Variants in UQCRC1 observed in about 807,000 individuals in gnomAD.
The protein encoded by UQCRC1 is ubiquinol-cytochrome c reductase core protein 1.
In UQCRC1, 34 loss-of-function variants were observed where a neutral mutation model predicts 58.0. The observed-to-expected ratio is 0.59, with a 90% CI of 0.45 to 0.78. UQCRC1 has a LOEUF of 0.78. UQCRC1 is among the 30% of genes least tolerant of loss of function. UQCRC1 has a pLI of 0.00. For missense variants in UQCRC1, 610 were observed against 646.0 expected (o/e 0.94, Z 0.60); for synonymous variants, 276 against 248.8 (o/e 1.11, Z -1.03).
intron 3 of UQCRC1, 150 bp downstream of exon 3, chr3:48,605,620 G>C (rs1303174550): frequency 1.3e-6 from 1 of 754,644 alleles, no homozygotes. Context: ...CTCAGGAGAG[G>C]TTAAGCTCAT....
At chr3:48,604,869 T>C in intron 3 of UQCRC1, 89 bp from the exon 4 acceptor site, 1 of 1,556,714 alleles carries the variant, frequency 6.4e-7, no homozygotes, top group Non-Finnish European at 8.7e-7. Context: ...GCAGGACCAC[T>C]GGTCCACAGG....
chr3:48,604,439 C>A lies in UQCRC1; in HGVS notation c.428-8G>T. ...CACCCAGGAGCTCCACAGCTAGATG[C>A]AAGGAGGACATGTTTAGGTGCCAGG... On this transcript the variant is annotated splice_polypyrimidine_tract_variant and splice_region_variant and intron_variant, in intron 4 of 12. Transcript: ENST00000203407. The A allele has an allele frequency of 6.2e-7, 1 of 1,613,318 alleles. No homozygotes were observed. The highest frequency in any genetic ancestry group is 2.2e-5 in the East Asian group (1 of 44,868).
chr3:48,609,361 A>C, intron 1 of UQCRC1, 59 bp from the exon 2 acceptor site: 4 of 1,566,438 alleles, frequency 2.6e-6, no homozygotes, highest in Non-Finnish European at 3.5e-6. Flanking sequence ...CCCACCTCCC[A>C]GGTCCTCAGG....
At chr3:48,606,903 C>T (rs1287353596) in intron 2 of UQCRC1, among the ~76,000 whole-genome samples, 2 of 151,558 alleles carry the variant, frequency 1.3e-5, no homozygotes, top group Non-Finnish European at 1.5e-5. Flanking sequence ...CACTCTGTCA[C>T]GAGACGAGTG....
rs139174123 is a variant in UQCRC1 at position 48,599,126 on chromosome 3, G to T, written c.*2C>A. 6.2e-7 allele frequency: 1 copy of T among 1,611,954 alleles called. No homozygotes were observed. Among genetic ancestry groups the T allele is most frequent in the Non-Finnish European group, 8.5e-7 (1 of 1,178,900 alleles). On this transcript the variant is annotated 3_prime_UTR_variant, in exon 13 of 13. Coordinates refer to ENST00000203407, the MANE Select transcript of UQCRC1 (RefSeq NM_003365.3). ...GCCCTCTTGCTTACATAGGCTTCCC[G>T]CCTAGAAGCGCAGCCAGAACATGCC... is the stretch of plus-strand genomic sequence containing the variant.
At chr3:48,602,523 GTTT>G (rs1183025563) in intron 6 of UQCRC1, among the ~76,000 whole-genome samples, 2 of 128,696 alleles carry the variant, frequency 1.6e-5, no homozygotes, top group Admixed American at 7.8e-5. Context: ...AAGCATGTTT[GTTT>G]TTTTTTTTTT....
intron 4 of UQCRC1, 68 bp from the exon 5 acceptor site, chr3:48,604,499 C>A: frequency 6.3e-7 from 1 of 1,593,110 alleles, no homozygotes; most frequent in Non-Finnish European, 8.6e-7. Context: ...CACAAAATCC[C>A]CAGGCCTGGC....
rs145767014 is a variant in UQCRC1, at chr3:48,601,438, C to A, written c.736G>T (p.Ala246Ser). The change falls in exon 7 of 13, where the codon GCC becomes TCC. Residue 246 changes from alanine to serine, a missense_variant. Transcript: ENST00000203407. ...GVEHQQLLDL[A>S]QKHLGGIPWT... is the part of the protein sequence containing the mutation. ...GGGATGCCACCGAGGTGCTTCTGGGCGAGGTCTAACAGTTGCTGGTGCTCC... is the reference window on the plus strand; with the variant it reads ...GGGATGCCACCGAGGTGCTTCTGGGAGAGGTCTAACAGTTGCTGGTGCTCC... 7 of 1,614,116 alleles carry A rather than the reference C, an allele frequency of 4.3e-6. No individual in the cohort carries two copies. In the South Asian group the frequency reaches 5.5e-5, roughly 13 times the overall value.
intron 6 of UQCRC1, among the ~76,000 whole-genome samples, chr3:48,601,895 A>C (rs922341665): frequency 1.3e-5 from 2 of 152,134 alleles, no homozygotes; most frequent in Non-Finnish European, 2.9e-5. Flanking sequence ...GAGGGGGCAG[A>C]AAGAGGAGCT....
At chr3:48,600,872 CTCT>C in intron 8 of UQCRC1, 32 bp from the exon 9 acceptor site, 4 of 1,613,332 alleles carry the variant, frequency 2.5e-6, no homozygotes, top group Non-Finnish European at 3.4e-6. Flanking sequence ...AGCACCCACC[CTCT>C]TGTCTTCAAC....
chr3:48,601,499 G>T, intron 6 of UQCRC1, 32 bp from the exon 7 acceptor site: 5 of 1,604,556 alleles, frequency 3.1e-6, no homozygotes, highest in Non-Finnish European at 4.3e-6. Context: ...TTACTGACCA[G>T]CCAGGGCCCA....
At chr3:48,604,088 G>A in intron 5 of UQCRC1, 145 bp downstream of exon 5, 1 of 864,454 alleles carries the variant, frequency 1.2e-6, no homozygotes, top group South Asian at 1.6e-5. Context: ...AGACTCACTG[G>A]ACCACATGGA....
intron 2 of UQCRC1, among the ~76,000 whole-genome samples, chr3:48,606,974 T>C (rs1017796015): frequency 1.3e-5 from 2 of 151,930 alleles, no homozygotes; most frequent in African/African-American, 4.8e-5. Flanking sequence ...TTCTCCCGCC[T>C]CAGCCTCCCG....
rs185539969 is a variant in UQCRC1, at chr3:48,609,570, T to C, written c.51A>G (p.Leu17=). 2.6e-5 allele frequency: 40 copies of C among 1,566,204 alleles called. No homozygotes were observed. The highest frequency in any genetic ancestry group is 1.4e-4 in the East Asian group (6 of 42,172). ...ACCTCACCGAGCGGCGGGCGCGCAA[T>C]AGCACTTGTGCCCCGGCGGTAGCGG... ...CRAATAGAQV[L]LRARRSPALL... The change falls in exon 1 of 13, where the codon CTA becomes CTG. Residue 17 remains leucine (L), a synonymous_variant. Coordinates refer to ENST00000203407, the MANE Select transcript of UQCRC1 (RefSeq NM_003365.3).
chr3:48,609,096 C>T, intron 2 of UQCRC1, 66 bp downstream of exon 2: 3 of 1,553,738 alleles, frequency 1.9e-6, no homozygotes, highest in South Asian at 1.2e-5. Flanking sequence ...AAGGTCACAC[C>T]CCAACCAGGG....
chr3:48,602,297 C>T (rs1219797873), intron 6 of UQCRC1, among the ~76,000 whole-genome samples: 6 of 152,038 alleles, frequency 3.9e-5, no homozygotes, highest in African/African-American at 1.2e-4. Context: ...GTGATCCGCC[C>T]GCCTCGGCCT....
chr3:48,606,657 T>C (rs1048212540), intron 2 of UQCRC1, among the ~76,000 whole-genome samples: 4 of 151,670 alleles, frequency 2.6e-5, no homozygotes, highest in Non-Finnish European at 5.9e-5. Flanking sequence ...TGAGGCAGAA[T>C]TGCTTGAACC....
In UQCRC1 at chr3:48,601,426, G is replaced by T; in HGVS notation, c.748C>A (p.Leu250Ile). 6.2e-7 allele frequency: 1 copy of T among 1,614,190 alleles called. No homozygotes were observed. Among genetic ancestry groups the T allele is most frequent in the Non-Finnish European group, 8.5e-7 (1 of 1,180,032 alleles). Residue 250 changes from leucine (L) to isoleucine (I), a missense_variant, in exon 7 of 13, where the codon CTC becomes ATC. Physicochemically the swap from Leu to Ile is conservative, Grantham distance 5. Transcript: ENST00000203407. The stretch of plus-strand genomic sequence containing the variant: ...GCATATGTCCATGGGATGCCACCGA[G>T]GTGCTTCTGGGCGAGGTCTAACAGT... ...QQLLDLAQKH[L>I]GGIPWTYAED...
rs538194304 is a variant in UQCRC1 at position 48,603,964 on chromosome 3, G to A, written c.626+269C>T. ...GGAGCCATCCACAAAGGAGACAAGAGACCACATGGAGGGGACACCCAGACA... is the reference window on the plus strand; with the variant it reads ...GGAGCCATCCACAAAGGAGACAAGAAACCACATGGAGGGGACACCCAGACA... On this transcript the variant is annotated intron_variant, in intron 5 of 12. Coordinates refer to ENST00000203407, the MANE Select transcript of UQCRC1 (RefSeq NM_003365.3). 6.8e-5 allele frequency: 40 copies of A among 586,450 alleles called. No homozygotes were observed. In the East Asian group the frequency reaches 1.1e-3, roughly 16 times the overall value. The allele number at this position is 586,450 out of a possible 1,614,324, so 36.3% of individuals were successfully genotyped here. A position where few individuals can be genotyped will look rare whatever the true frequency, so the allele number is the denominator to read the frequency against.
Sources: allele counts gnomAD v4.1 joint callset (sites outside exome capture counted in the v4.1 genomes callset), GRCh38; gene constraint gnomAD v4.1.1; transcripts MANE v1.5; gene names NCBI Gene and HGNC (gene_info 2026-07-23, HGNC 2026-07-21).